Variants in SPATA6 observed in about 807,000 individuals in gnomAD.
The protein encoded by SPATA6 is spermatogenesis-associated protein 6.
A neutral mutation model predicts 65.3 loss-of-function variants in SPATA6; 56 were observed. The observed-to-expected ratio is 0.86, with a 90% CI of 0.69 to 1.07. SPATA6 has a LOEUF of 1.07. Among genes scored for constraint, SPATA6 ranks in the 50% least tolerant of loss-of-function variants. The probability of loss-of-function intolerance (pLI) is 0.00; values close to 1 mark genes in which losing one functional copy is unlikely to be tolerated. For missense variants in SPATA6, 590 were observed against 594.8 expected, an observed-to-expected ratio of 0.99 and a Z score of 0.08; for synonymous variants, 199 against 213.2, an observed-to-expected ratio of 0.93 and a Z score of 0.58.
At position 48,395,468 on chromosome 1, in the gene SPATA6, T is replaced by C. The variant is rs970248725; in HGVS notation, c.781-114A>G. ...GAGAGCATATATAATCAGGGAAACA[T>C]GATGGTGCCCATGAGAGTCAGACAT... On this transcript the variant is annotated intron_variant, in intron 7 of 12. Transcript: ENST00000371847. 5.5e-6 allele frequency: 3 copies of C among 548,544 alleles called. No homozygotes were observed. In the African/African-American group the frequency reaches 5.9e-5, roughly 11 times the overall value. 34.0% of individuals were successfully genotyped at this position (548,544 alleles called of 1,614,324 possible). A position where few individuals can be genotyped will look rare whatever the true frequency, so the allele number is the denominator to read the frequency against.
chr1:48,464,204 C>G (rs1303142698), intron 1 of SPATA6, among the ~76,000 whole-genome samples: 1 of 151,910 alleles, frequency 6.6e-6, no homozygotes, highest in Admixed American at 6.6e-5. Context: ...GGTGAGACTT[C>G]AGAAGCATAA....
At position 48,366,088 on chromosome 1, in the gene SPATA6, A is replaced by C. The variant is rs1646999658; in HGVS notation, c.910-6318T>G. On this transcript the variant is annotated intron_variant, in intron 9 of 12. Coordinates refer to ENST00000371847, the MANE Select transcript of SPATA6 (RefSeq NM_019073.4). ...TGTCTTTGGTTCTGTTTATATGCTG[A>C]ATTACATTTATTGATTTGCGTATGT... Among the ~76,000 whole-genome samples the C allele has an allele frequency of 2.0e-5, 3 of 152,042 alleles. No homozygotes were observed. The South Asian group carries it at 6.2e-4, about 32-fold the overall frequency.
intron 11 of SPATA6, among the ~76,000 whole-genome samples, chr1:48,322,365 T>A (rs1645623280): frequency 6.6e-6 from 1 of 152,102 alleles, no homozygotes; most frequent in African/African-American, 2.4e-5. Context: ...TGGCTAGCCA[T>A]ATGCAGAAAG....
At chr1:48,454,958 T>A (rs1656888680) in intron 1 of SPATA6, among the ~76,000 whole-genome samples, 1 of 152,212 alleles carries the variant, frequency 6.6e-6, no homozygotes, top group Non-Finnish European at 1.5e-5. Flanking sequence ...ATACTTCACA[T>A]CCTTTTGTAC....
At position 48,298,634 on chromosome 1, in the gene SPATA6, G is replaced by T; in HGVS notation, c.*79C>A. On this transcript the variant is annotated 3_prime_UTR_variant, in exon 13 of 13. Transcript: ENST00000371847. ...TATAATCCCATTTTTTTTAAAAAAA[G>T]GAATACAGATATTGATCACATCAAA... The T allele has an allele frequency of 2.2e-6, 3 of 1,361,868 alleles. No individual in the cohort carries two copies. The South Asian group carries it at 5.0e-5, about 22-fold the overall frequency. 84.4% of individuals were successfully genotyped at this position (1,361,868 alleles called of 1,614,324 possible).
At chr1:48,433,587 C>A (rs1358256309) in intron 3 of SPATA6, among the ~76,000 whole-genome samples, 3 of 152,192 alleles carry the variant, frequency 2.0e-5, no homozygotes, top group East Asian at 3.9e-4. Context: ...AATCAAAAGG[C>A]TATAGGAAAT....
intron 10 of SPATA6, 40 bp from the exon 11 acceptor site, chr1:48,355,809 C>A (rs1646643602): frequency 6.7e-7 from 1 of 1,503,602 alleles, no homozygotes; most frequent in Non-Finnish European, 9.2e-7. Context: ...TTACTAAAAT[C>A]AGGTAATGAT....
chr1:48,279,797 C>T, the SPATA6 span, among the ~76,000 whole-genome samples: 2 of 152,040 alleles, frequency 1.3e-5, no homozygotes, highest in African/African-American at 2.4e-5. Context: ...AACAAGGATA[C>T]CCAGGAATTG....
At chr1:48,314,640 G>T (rs1645344987) in intron 11 of SPATA6, among the ~76,000 whole-genome samples, 2 of 152,110 alleles carry the variant, frequency 1.3e-5, no homozygotes, top group Non-Finnish European at 2.9e-5. Flanking sequence ...AACTACAGAA[G>T]CAAGAGCAAA....
intron 9 of SPATA6, among the ~76,000 whole-genome samples, chr1:48,367,283 G>A (rs1019198893): frequency 6.6e-6 from 1 of 152,170 alleles, no homozygotes; most frequent in African/African-American, 2.4e-5. Context: ...TTGATTTGGG[G>A]TGGAGAGTTC....
the SPATA6 span, among the ~76,000 whole-genome samples, chr1:48,276,925 G>T: frequency 1.3e-5 from 2 of 151,804 alleles, no homozygotes; most frequent in Non-Finnish European, 2.9e-5. Context: ...TGACAGTGGG[G>T]TGTTCAAGTC....
At chr1:48,331,400 G>GA (rs372155734) in intron 11 of SPATA6, among the ~76,000 whole-genome samples, 3,924 of 137,336 alleles carry the variant, frequency 0.029, 103 homozygotes, top group African/African-American at 0.077. Flanking sequence ...ACAGCAAAAA[G>GA]AAAAAAAAAA....
intron 11 of SPATA6, among the ~76,000 whole-genome samples, chr1:48,328,869 G>T (rs1019732676): frequency 6.6e-6 from 1 of 152,066 alleles, no homozygotes; most frequent in African/African-American, 2.4e-5. Flanking sequence ...ATAAAAGAGG[G>T]TAAATAATTC....
chr1:48,370,566 T>C (rs938900794), intron 9 of SPATA6, among the ~76,000 whole-genome samples: 7 of 152,352 alleles, frequency 4.6e-5, no homozygotes, highest in Middle Eastern at 3.4e-3. Context: ...TTGAAAGATA[T>C]TCTAAAATAA....
chr1:48,309,968 C>G (rs1437168537), intron 11 of SPATA6, among the ~76,000 whole-genome samples: 1 of 152,144 alleles, frequency 6.6e-6, no homozygotes, highest in East Asian at 1.9e-4. Context: ...AAGCTAAGGG[C>G]CTTCTTGTCT....
At chr1:48,399,757 C>A (rs1279967479) in intron 6 of SPATA6, 113 bp from the exon 7 acceptor site, 1 of 900,364 alleles carries the variant, frequency 1.1e-6, no homozygotes, top group East Asian at 2.7e-5. Context: ...TCAAAGCCAA[C>A]TAGATCAGTC....
chr1:48,333,842 A>G (rs1237127627), intron 11 of SPATA6, among the ~76,000 whole-genome samples: 1 of 152,186 alleles, frequency 6.6e-6, no homozygotes, highest in Non-Finnish European at 1.5e-5. Context: ...CAAAAGATAA[A>G]CAAATCTAGG....
intron 3 of SPATA6, among the ~76,000 whole-genome samples, chr1:48,447,056 A>G (rs1376206184): frequency 6.6e-6 from 1 of 151,954 alleles, no homozygotes; most frequent in African/African-American, 2.4e-5. Flanking sequence ...GAGTAAATAT[A>G]TTTTCTTTTT....
chr1:48,439,259 G>C (rs573598402), intron 3 of SPATA6, among the ~76,000 whole-genome samples: 1 of 152,202 alleles, frequency 6.6e-6, no homozygotes, highest in African/African-American at 2.4e-5. Context: ...AGAATGCGTC[G>C]GTAAGGGCCA....
Sources: gnomAD v4.1 joint callset for allele counts (sites outside exome capture counted in the v4.1 genomes callset) on GRCh38, gnomAD v4.1.1 for gene constraint, MANE v1.5 for transcripts, NCBI Gene and HGNC (gene_info 2026-07-23, HGNC 2026-07-21) for gene names.